Variants in CEP170B observed in about 807,000 individuals in gnomAD.
The protein encoded by CEP170B is centrosomal protein 170B, also known as centrosomal protein of 170 kDa protein B.
Under a neutral mutation model 120.6 loss-of-function variants are expected in CEP170B, and 55 were observed. The ratio of observed to expected loss-of-function variants is 0.46; its 90% CI spans 0.37 to 0.57. CEP170B has a LOEUF of 0.57. Among genes scored for constraint, CEP170B ranks in the 20% least tolerant of loss-of-function variants. The pLI is 0.00. For missense variants in CEP170B, 2,212 were observed against 2,253.3 expected (o/e 0.98, Z 0.37); for synonymous variants, 1,033 against 954.5 (o/e 1.08, Z -1.52).
At chr14:104,869,771 A>G (rs986412964) in intron 2 of CEP170B, among the ~76,000 whole-genome samples, 2 of 152,212 alleles carry the variant, frequency 1.3e-5, no homozygotes, top group Non-Finnish European at 2.9e-5. Context: ...TCCTTGAAGC[A>G]GAGACAGGGC....
intron 2 of CEP170B, among the ~76,000 whole-genome samples, chr14:104,873,623 G>A (rs1286733752): frequency 6.6e-6 from 1 of 152,042 alleles, no homozygotes; most frequent in African/African-American, 2.4e-5. Context: ...GTTGTGTCCA[G>A]CAGGAGCTCT....
Position 104,887,819 on chromosome 14 carries a change from A to G in CEP170B, c.3580A>G (p.Ser1194Gly). The change falls in exon 12 of 19, where the codon AGC (serine) becomes GGC (glycine). Residue 1194 changes from serine to glycine, a missense_variant. By Grantham distance (56) the Ser-to-Gly change is moderately conservative (BLOSUM62 0). Transcript: ENST00000414716. ...SDPEAAPART[S>G]FSGRSVELCC... ...CCCCGAGGCAGCCCCTGCCCGCACCAGCTTCTCTGGCCGCAGTGTGGAGTT... is the reference window on the plus strand; with the variant it reads ...CCCCGAGGCAGCCCCTGCCCGCACCGGCTTCTCTGGCCGCAGTGTGGAGTT... The G allele has an allele frequency of 1.3e-6, 2 of 1,587,150 alleles. No homozygotes were observed. Among genetic ancestry groups the G allele is most frequent in the East Asian group, 4.6e-5 (2 of 43,732 alleles).
intron 6 of CEP170B, among the ~76,000 whole-genome samples, chr14:104,881,028 G>C (rs1274641636): frequency 1.3e-5 from 2 of 152,220 alleles, no homozygotes; most frequent in South Asian, 2.1e-4. Context: ...TCTGTCCCCA[G>C]TGGTGAGAGG....
chr14:104,881,350 C>T lies in CEP170B; in HGVS notation c.472+925C>T, dbSNP rs1480767056. Among the ~76,000 whole-genome samples the T allele has an allele frequency of 3.3e-5, 5 of 152,084 alleles. No homozygotes were observed. The South Asian group carries it at 6.2e-4, about 19-fold the overall frequency. ...AGTTCTGGTTAGACAGGGGTGTATC[C>T]GGGGATCAGGCTCTCGGCTCCCACC... is the stretch of plus-strand genomic sequence containing the variant. On this transcript the variant is annotated intron_variant, in intron 6 of 18. Transcript: ENST00000414716.
chr14:104,877,950 C>A lies in CEP170B; in HGVS notation c.261C>A (p.Ile87=), dbSNP rs1184591893. The change falls in exon 4 of 19, where the codon ATC becomes ATA. Residue 87 remains isoleucine, a synonymous_variant. Transcript: ENST00000414716. ...KYVTLKLNDV[I]RFGYDSNMYV... ...TCACGCTGAAGCTCAACGATGTCAT[C>A]CGCTTCGGCTACGATATCCTGCCCC... 6.2e-7 allele frequency: 1 copy of A among 1,608,566 alleles called. No homozygotes were observed.
chr14:104,889,412 C>G, intron 12 of CEP170B: 1 of 1,309,828 alleles, frequency 7.6e-7, no homozygotes, highest in Non-Finnish European at 1.0e-6. Context: ...GCTGCCCAGC[C>G]CTGCAGCACT....
At position 104,883,107 on chromosome 14, in the gene CEP170B, G is replaced by A; in HGVS notation, c.650G>A (p.Cys217Tyr). ...CGCGCCCCTGCTGAGCCTCAGGGCT[G>A]CTCGTTCCGGCGGGAGCCCAGCTAC... ...GFRAPAEPQGCSFRREPSYFE... is the reference protein window; with the variant it reads ...GFRAPAEPQGYSFRREPSYFE... The change falls in exon 8 of 19, where the codon TGC (cysteine) becomes TAC (tyrosine). Residue 217 changes from cysteine (C) to tyrosine (Y), a missense_variant. Coordinates refer to ENST00000414716, the MANE Select transcript of CEP170B (RefSeq NM_001112726.3). The A allele has an allele frequency of 6.3e-7, 1 of 1,586,934 alleles. No individual in the cohort carries two copies. Among genetic ancestry groups the A allele is most frequent in the Non-Finnish European group, 8.5e-7 (1 of 1,169,794 alleles).
At chr14:104,872,944 G>C (rs1363909960) in intron 2 of CEP170B, among the ~76,000 whole-genome samples, 1 of 152,256 alleles carries the variant, frequency 6.6e-6, no homozygotes, top group Non-Finnish European at 1.5e-5. Context: ...CCACACATCT[G>C]TGTTTGCCTG....
chr14:104,878,353 C>T lies in CEP170B; in HGVS notation c.275-90C>T. 6.0e-6 allele frequency: 8 copies of T among 1,342,788 alleles called. No homozygotes were observed. The South Asian group carries it at 8.5e-5, about 14-fold the overall frequency. The allele number at this position is 1,342,788 out of a possible 1,614,324, so 83.2% of individuals were successfully genotyped here. A position where few individuals can be genotyped will look rare whatever the true frequency, so the allele number is the denominator to read the frequency against. On this transcript the variant is annotated intron_variant, in intron 4 of 18. Transcript: ENST00000414716. ...CCCCTCCTCTGCCTGCCTCGATGGG[C>T]CCTTGAGCTGGCACACCTGTTGCTG...
At chr14:104,889,915 T>G (rs79560126) in intron 13 of CEP170B, among the ~76,000 whole-genome samples, 157 bp downstream of exon 13, 649 of 28,634 alleles carry the variant, frequency 0.023, 5 homozygotes, top group African/African-American at 0.04. Flanking sequence ...AATGGATGGA[T>G]GGATGGATGG....
intron 2 of CEP170B, among the ~76,000 whole-genome samples, chr14:104,872,275 C>CG (rs1566852112): frequency 2.4e-4 from 19 of 77,626 alleles, no homozygotes; most frequent in African/African-American, 1.1e-3. Context: ...TGTGGGTGTG[C>CG]CGTGTGTGTG....
chr14:104,883,078 C>T lies in CEP170B; in HGVS notation c.621C>T (p.Gly207=), dbSNP rs749105710. 7.7e-6 allele frequency: 12 copies of T among 1,561,618 alleles called. No individual in the cohort carries two copies. The highest frequency in any genetic ancestry group is 1.0e-5 in the Non-Finnish European group (12 of 1,156,910). Residue 207 remains glycine (G), a synonymous_variant, in exon 8 of 19, where the codon GGC becomes GGT. Transcript: ENST00000414716. ...TGCAGCAGGACGGGGAGCTCCACGG[C>T]TTCCGCGCCCCTGCTGAGCCTCAGG... ...GPVQQDGELH[G]FRAPAEPQGC... is the part of the protein sequence containing the mutation.
At chr14:104,884,610 G>T in intron 9 of CEP170B, 61 bp downstream of exon 9, 1 of 1,471,074 alleles carries the variant, frequency 6.8e-7, no homozygotes, top group Non-Finnish European at 9.1e-7. Flanking sequence ...GCGATGCCGG[G>T]GGTGGCGAGT....
At chr14:104,881,525 C>G (rs1896156736) in intron 6 of CEP170B, among the ~76,000 whole-genome samples, 1 of 152,202 alleles carries the variant, frequency 6.6e-6, no homozygotes, top group Non-Finnish European at 1.5e-5. Flanking sequence ...CCGCTGGGGA[C>G]TGGGAAGCTT....
intron 12 of CEP170B, among the ~76,000 whole-genome samples, 196 bp downstream of exon 12, chr14:104,888,174 C>T (rs1210309653): frequency 6.6e-6 from 1 of 152,220 alleles, no homozygotes. Flanking sequence ...GGGCAGGGCC[C>T]GCAGTCCCCT....
rs373443985 is a variant in CEP170B at position 104,884,202 on chromosome 14, C to T, written c.1423C>T (p.Arg475Trp). 2.0e-4 allele frequency: 315 copies of T among 1,544,158 alleles called. 2 individuals are homozygous for T. Among genetic ancestry groups the T allele is most frequent in the African/African-American group, 1.5e-3 (110 of 73,102 alleles). The change falls in exon 9 of 19, where the codon CGG becomes TGG. Residue 475 changes from arginine (R) to tryptophan (W), a missense_variant. By Grantham distance (101) the Arg-to-Trp change is moderately radical. Around this residue, in one of 2 missense-constraint regions of CEP170B, gnomAD observed 2,166 missense variants for 2,166.7 expected, o/e 1.00. Coordinates refer to ENST00000414716, the MANE Select transcript of CEP170B (RefSeq NM_001112726.3). ...GCTCAAGCGGGAGAAGACAGAGGAA[C>T]GGCTGGGCAGCCCCTCGCCCGCCTC... is the stretch of plus-strand genomic sequence containing the variant. The part of the protein sequence containing the change: ...GSLKREKTEE[R>W]LGSPSPASRT...
At chr14:104,872,479 G>GTGCCGTGTGTGTGC (rs546309373) in intron 2 of CEP170B, among the ~76,000 whole-genome samples, 1 of 95,966 alleles carries the variant, frequency 1.0e-5, no homozygotes, top group Admixed American at 1.0e-4. Context: ...CCGTGTGTGT[G>GTGCCGTGTGTGTGC]CGTGTGTGCC....
Position 104,887,548 on chromosome 14 carries a change from G to A in CEP170B, c.3309G>A (p.Gln1103=), listed in dbSNP as rs1412139914. Residue 1103 remains glutamine (Q), a synonymous_variant, in exon 12 of 19, where the codon CAG becomes CAA. Transcript: ENST00000414716. ...EEQSRSSASS[Q]KGPQALTRSN... Reference sequence around the variant, plus strand: ...AGAGCCGTAGCTCAGCCAGCTCCCAGAAGGGGCCGCAGGCCTTGACCCGCT... The same window carrying A: ...AGAGCCGTAGCTCAGCCAGCTCCCAAAAGGGGCCGCAGGCCTTGACCCGCT... 1 of 1,608,724 alleles carries A rather than the reference G, an allele frequency of 6.2e-7. No individual in the cohort carries two copies. The highest frequency in any genetic ancestry group is 8.5e-7 in the Non-Finnish European group (1 of 1,178,714).
At chr14:104,871,157 C>T (rs936232306) in intron 2 of CEP170B, among the ~76,000 whole-genome samples, 4 of 152,170 alleles carry the variant, frequency 2.6e-5, no homozygotes, top group South Asian at 2.1e-4. Context: ...TGGCCCTTTC[C>T]GAACGCTGCT....
Sources: gnomAD v4.1 joint callset for allele counts (sites outside exome capture counted in the v4.1 genomes callset) on GRCh38, gnomAD v4.1.1 for gene constraint, gnomAD v4.1.1 regional missense constraint, MANE v1.5 for transcripts, NCBI Gene and HGNC (gene_info 2026-07-23, HGNC 2026-07-21) for gene names.